MARCHF1: variants seen among roughly 807,000 people sequenced by gnomAD.
MARCHF1 encodes the protein membrane associated ring-CH-type finger 1.
In MARCHF1, 40 loss-of-function variants were observed where a neutral mutation model predicts 54.2. The ratio of observed to expected loss-of-function variants is 0.74; its 90% CI spans 0.57 to 0.96. The LOEUF (loss-of-function observed/expected upper bound fraction) is 0.96, where lower values mean the gene tolerates loss of function less well. Ranked by LOEUF, MARCHF1 falls within the 40% of genes least tolerant of loss-of-function variation. MARCHF1 has a pLI of 0.00. For missense variants in MARCHF1, 586 were observed against 656.5 expected (o/e 0.89, Z 1.17); for synonymous variants, 236 against 236.3 (o/e 1.00, Z 0.01).
intron 2 of MARCHF1, among the ~76,000 whole-genome samples, chr4:164,017,051 T>C (rs1753558324): frequency 6.6e-6 from 1 of 151,992 alleles, no homozygotes; most frequent in Non-Finnish European, 1.5e-5. Flanking sequence ...AAAATCATAA[T>C]ACATCATGAT....
chr4:163,714,158 CAT>C (rs1340796517), intron 4 of MARCHF1, among the ~76,000 whole-genome samples: 6 of 152,100 alleles, frequency 3.9e-5, no homozygotes, highest in Admixed American at 2.6e-4. Context: ...ATTTCTGGCA[CAT>C]GTTTCCATAA....
intron 2 of MARCHF1, among the ~76,000 whole-genome samples, chr4:164,017,979 AG>A (rs1261144820): frequency 7.9e-5 from 12 of 151,964 alleles, no homozygotes; most frequent in African/African-American, 2.7e-4. Flanking sequence ...ATAAATAAAA[AG>A]TTTTGGAATA....
intron 2 of MARCHF1, among the ~76,000 whole-genome samples, chr4:164,038,881 ATAAGGTTT>A (rs1754067176): frequency 6.6e-6 from 1 of 152,220 alleles, no homozygotes; most frequent in African/African-American, 2.4e-5. Context: ...ATCTTCAGTT[ATAAGGTTT>A]TAAGTGGAAC....
At chr4:163,914,081 G>A (rs1400287923) in intron 3 of MARCHF1, among the ~76,000 whole-genome samples, 2 of 30,624 alleles carry the variant, frequency 6.5e-5, no homozygotes, top group Non-Finnish European at 2.0e-4. Context: ...ACATGATGTG[G>A]AAAAATTGTG....
chr4:164,241,347 G>C (rs976368167), intron 1 of MARCHF1, among the ~76,000 whole-genome samples: 2 of 152,114 alleles, frequency 1.3e-5, no homozygotes, highest in Non-Finnish European at 2.9e-5. Context: ...CGATAATTAA[G>C]CTCTTTCTTT....
chr4:163,825,921 C>G (rs1436137285), intron 4 of MARCHF1, among the ~76,000 whole-genome samples: 3 of 151,908 alleles, frequency 2.0e-5, no homozygotes, highest in African/African-American at 4.8e-5. Context: ...ATTGAATGTA[C>G]TTTCCTATAC....
At chr4:164,023,791 A>G (rs1753715360) in intron 2 of MARCHF1, among the ~76,000 whole-genome samples, 2 of 152,206 alleles carry the variant, frequency 1.3e-5, no homozygotes, top group African/African-American at 4.8e-5. Flanking sequence ...AAGAAAGCTT[A>G]TTGAGAGCCA....
At chr4:164,376,606 G>A (rs757617076) in intron 1 of MARCHF1, among the ~76,000 whole-genome samples, 3 of 152,118 alleles carry the variant, frequency 2.0e-5, no homozygotes, top group Non-Finnish European at 4.4e-5. Context: ...CTTCTCACTT[G>A]GACCTTATGA....
chr4:164,261,307 T>C (rs1429891789), intron 1 of MARCHF1, among the ~76,000 whole-genome samples: 2 of 152,130 alleles, frequency 1.3e-5, no homozygotes, highest in African/African-American at 4.8e-5. Context: ...TATAATCTGC[T>C]AAGGTAGATA....
At chr4:163,730,564 T>G (rs1327729166) in intron 4 of MARCHF1, among the ~76,000 whole-genome samples, 1 of 152,132 alleles carries the variant, frequency 6.6e-6, no homozygotes, top group Non-Finnish European at 1.5e-5. Flanking sequence ...TATTCTTTAT[T>G]TTTTATACAT....
chr4:163,598,683 T>A (rs1387779995), intron 7 of MARCHF1, among the ~76,000 whole-genome samples: 1 of 152,216 alleles, frequency 6.6e-6, no homozygotes, highest in Non-Finnish European at 1.5e-5. Flanking sequence ...GAATGGAGCT[T>A]ACAGAACTGG....
chr4:163,662,517 C>T (rs1365485552), intron 5 of MARCHF1, among the ~76,000 whole-genome samples: 1 of 152,000 alleles, frequency 6.6e-6, no homozygotes, highest in East Asian at 1.9e-4. Context: ...ACATTCCTTT[C>T]TAGTCCCAGA....
At chr4:163,551,072 C>T (rs1428182241) in intron 8 of MARCHF1, among the ~76,000 whole-genome samples, 1 of 152,146 alleles carries the variant, frequency 6.6e-6, no homozygotes, top group East Asian at 1.9e-4. Flanking sequence ...CACTCCCTGT[C>T]ATGAACTAAT....
At chr4:163,855,894 A>G (rs1749757167) in intron 3 of MARCHF1, among the ~76,000 whole-genome samples, 2 of 152,162 alleles carry the variant, frequency 1.3e-5, no homozygotes, top group Non-Finnish European at 2.9e-5. Context: ...CCACAAATAT[A>G]TTTTAGGTAC....
intron 2 of MARCHF1, among the ~76,000 whole-genome samples, chr4:164,028,488 A>T (rs943002665): frequency 2.0e-5 from 3 of 152,132 alleles, no homozygotes; most frequent in African/African-American, 7.2e-5. Context: ...ACCAAATACC[A>T]CATGTTCTCA....
intron 3 of MARCHF1, among the ~76,000 whole-genome samples, chr4:163,936,001 C>T (rs933330981): frequency 4.6e-5 from 7 of 152,084 alleles, no homozygotes; most frequent in African/African-American, 7.2e-5. Context: ...CTTTTTCTTT[C>T]ACTTGAACAC....
intron 1 of MARCHF1, among the ~76,000 whole-genome samples, chr4:164,341,701 T>C (rs74418591): frequency 0.013 from 1,931 of 152,252 alleles, 34 homozygotes; most frequent in African/African-American, 0.044. Context: ...CTAATGCCAT[T>C]AGTGAGGGCT....
intron 1 of MARCHF1, among the ~76,000 whole-genome samples, chr4:164,214,344 G>C (rs1731867959): frequency 6.6e-6 from 1 of 152,064 alleles, no homozygotes; most frequent in Non-Finnish European, 1.5e-5. Context: ...TGGTTAACAT[G>C]AAACCATGTT....
At position 164,086,544 on chromosome 4, in the gene MARCHF1, T is replaced by C. The variant is rs1755196075; in HGVS notation, c.-248+25044A>G. 3.3e-5 allele frequency among the ~76,000 whole-genome samples: 5 copies of C among 152,044 alleles called. No individual in the cohort carries two copies. In the South Asian group the frequency reaches 1.0e-3, roughly 31 times the overall value. ...CATTATTAACTGTGTATTATCTCAC[T>C]GAACTCTTTGTTCTACCCATCTTCC... On this transcript the variant is annotated intron_variant, in intron 2 of 9. Transcript: ENST00000514618.
Sources: gnomAD v4.1 joint callset for allele counts (sites outside exome capture counted in the v4.1 genomes callset) on GRCh38, gnomAD v4.1.1 for gene constraint, MANE v1.5 for transcripts, NCBI Gene and HGNC (gene_info 2026-07-23, HGNC 2026-07-21) for gene names.